The following RORA variants were observed in gnomAD, a reference collection of about 807,000 sequenced individuals.
RORA encodes nuclear receptor ROR-alpha.
In RORA, 7 loss-of-function variants were observed where a neutral mutation model predicts 69.5. The observed-to-expected ratio is 0.10, with a 90% CI of 0.06 to 0.19. RORA has a LOEUF of 0.19. RORA is among the 10% of genes least tolerant of loss of function. RORA has a pLI of 1.00. For synonymous variants in RORA, 261 were observed against 240.8 expected (o/e 1.08, Z -0.78); for missense variants, 457 against 663.0 (o/e 0.69, Z 3.41).
At chr15:60,678,599 C>A in intron 2 of RORA, 58 bp downstream of exon 2, 1 of 1,262,908 alleles carries the variant, frequency 7.9e-7, no homozygotes, top group Admixed American at 1.7e-5. Flanking sequence ...AGCAGCCAGA[C>A]ATATGCGAAT....
At chr15:61,164,074 G>A (rs2079519991) in intron 1 of RORA, among the ~76,000 whole-genome samples, 1 of 152,104 alleles carries the variant, frequency 6.6e-6, no homozygotes, top group Admixed American at 6.5e-5. Context: ...CATCTCTCAA[G>A]AGAGTGTAGG....
intron 1 of RORA, among the ~76,000 whole-genome samples, chr15:60,714,571 G>A (rs1445542117): frequency 5.5e-5 from 8 of 146,116 alleles, no homozygotes; most frequent in East Asian, 4.1e-4. Flanking sequence ...CACCATATTG[G>A]CCAGGCTGGT....
chr15:61,080,367 A>T (rs908395151), intron 1 of RORA, among the ~76,000 whole-genome samples: 3 of 151,862 alleles, frequency 2.0e-5, no homozygotes, highest in African/African-American at 7.3e-5. Context: ...TCTTGCCTAT[A>T]CCCCCTGCCA....
At chr15:60,850,770 C>A (rs114734956) in intron 1 of RORA, among the ~76,000 whole-genome samples, 9 of 152,284 alleles carry the variant, frequency 5.9e-5, no homozygotes, top group African/African-American at 1.9e-4. Context: ...TCCCAGCCCA[C>A]GTCTTCCCTG....
intron 1 of RORA, among the ~76,000 whole-genome samples, chr15:60,954,852 T>A (rs142892514): frequency 1.6e-3 from 251 of 152,242 alleles, no homozygotes; most frequent in Non-Finnish European, 2.2e-3. Context: ...ATGGTGAGCT[T>A]CTTGAGGGCA....
chr15:60,922,941 G>C (rs556610138), intron 1 of RORA, among the ~76,000 whole-genome samples: 1 of 152,240 alleles, frequency 6.6e-6, no homozygotes, highest in Non-Finnish European at 1.5e-5. Flanking sequence ...GATTCTGTAA[G>C]GGGTATTTCC....
intron 3 of RORA, among the ~76,000 whole-genome samples, chr15:60,516,161 TTATATATATATTTA>T (rs2065922908): frequency 3.3e-5 from 1 of 30,328 alleles, no homozygotes; most frequent in East Asian, 1.9e-3. Flanking sequence ...ATATATATAT[TTATATATATATTTA>T]TATATATATT....
intron 1 of RORA, among the ~76,000 whole-genome samples, chr15:61,122,147 T>C (rs959773739): frequency 1.3e-5 from 2 of 152,308 alleles, no homozygotes; most frequent in African/African-American, 2.4e-5. Flanking sequence ...GTTCTTTACA[T>C]TGAGAGAACT....
chr15:60,730,630 A>T (rs994460471), intron 1 of RORA, among the ~76,000 whole-genome samples: 3 of 152,154 alleles, frequency 2.0e-5, no homozygotes, highest in African/African-American at 4.8e-5. Flanking sequence ...TTAAATACAG[A>T]TGCATGTATG....
chr15:60,622,019 G>A (rs894244521), intron 2 of RORA, among the ~76,000 whole-genome samples: 2 of 152,086 alleles, frequency 1.3e-5, no homozygotes, highest in African/African-American at 2.4e-5. Context: ...TTGCACTCCA[G>A]CCTGGGCAAC....
intron 2 of RORA, among the ~76,000 whole-genome samples, chr15:60,597,551 C>CATATAT (rs1203238304): frequency 8.0e-5 from 2 of 25,136 alleles, no homozygotes; most frequent in South Asian, 1.5e-3. Context: ...ACACACACAA[C>CATATAT]ATATATATAT....
Position 61,113,717 on chromosome 15 carries a change from A to C in RORA, c.166+115336T>G, listed in dbSNP as rs976509497. 6.6e-5 allele frequency among the ~76,000 whole-genome samples: 10 copies of C among 152,284 alleles called. No homozygotes were observed. In the South Asian group the frequency reaches 1.9e-3, roughly 28 times the overall value. On this transcript the variant is annotated intron_variant, in intron 1 of 10. Transcript: ENST00000335670. ...CACGCACGTGTGCACACATGCGGAT[A>C]TATACATCCTCACCTTTTCTTGAGA...
chr15:61,039,605 T>A (rs1375025679), intron 1 of RORA, among the ~76,000 whole-genome samples: 1 of 151,670 alleles, frequency 6.6e-6, no homozygotes, highest in Non-Finnish European at 1.5e-5. Flanking sequence ...ATTAGCTGGG[T>A]GTGGTGGTGC....
At chr15:60,892,947 A>T (rs2140459270) in intron 1 of RORA, among the ~76,000 whole-genome samples, 1 of 152,328 alleles carries the variant, frequency 6.6e-6, no homozygotes, top group East Asian at 1.9e-4. Flanking sequence ...AAATGGTGAG[A>T]AACACATAAC....
chr15:60,542,329 CCACACATA>C, intron 2 of RORA, among the ~76,000 whole-genome samples: 1 of 149,638 alleles, frequency 6.7e-6, no homozygotes, highest in East Asian at 1.9e-4. Context: ...CACACACACA[CCACACATA>C]CACACACATA....
chr15:60,553,915 T>C (rs1270703468), intron 2 of RORA, among the ~76,000 whole-genome samples: 1 of 152,232 alleles, frequency 6.6e-6, no homozygotes, highest in Non-Finnish European at 1.5e-5. Flanking sequence ...TAAAATGGTA[T>C]ATAAGCCTCC....
At chr15:60,928,144 T>C (rs2140496927) in intron 1 of RORA, among the ~76,000 whole-genome samples, 1 of 152,288 alleles carries the variant, frequency 6.6e-6, no homozygotes, top group African/African-American at 2.4e-5. Flanking sequence ...TTTCCCTGAA[T>C]AAATCCCTTT....
chr15:60,552,251 T>C (rs1302222867), intron 2 of RORA, among the ~76,000 whole-genome samples: 2 of 152,206 alleles, frequency 1.3e-5, no homozygotes, highest in African/African-American at 4.8e-5. Context: ...GAGCCACAAG[T>C]GCACTGCAGT....
At position 61,128,896 on chromosome 15, in the gene RORA, C is replaced by T. The variant is rs1457599180; in HGVS notation, c.166+100157G>A. ...CCTGCACGCTCATTTACATGGGACC[C>T]AAGAAGAGACACTGGCCGTGGCACC... On this transcript the variant is annotated intron_variant, in intron 1 of 10. Coordinates refer to ENST00000335670, the MANE Select transcript of RORA (RefSeq NM_134261.3). The surrounding 1 kb of genome is among the most constrained non-coding windows in gnomAD (Gnocchi z 4.5). Among the ~76,000 whole-genome samples, 4 of 152,170 alleles carry T rather than the reference C, an allele frequency of 2.6e-5. No individual in the cohort carries two copies. Among genetic ancestry groups the T allele is most frequent in the Non-Finnish European group, 1.5e-5 (1 of 68,028 alleles).
Sources: gnomAD v4.1 joint callset for allele counts (sites outside exome capture counted in the v4.1 genomes callset) on GRCh38, gnomAD v4.1.1 for gene constraint, Gnocchi (gnomAD v3.1) non-coding constraint, MANE v1.5 for transcripts, NCBI Gene and HGNC (gene_info 2026-07-23, HGNC 2026-07-21) for gene names.